Variants in CHSY1 observed in about 807,000 individuals in gnomAD.
CHSY1 encodes N-acetylgalactosaminyl-proteoglycan 3-beta-glucuronosyltransferase 1.
In CHSY1, 13 loss-of-function variants were observed where a neutral mutation model predicts 59.8. The observed-to-expected ratio is 0.22, with a 90% CI of 0.14 to 0.35. CHSY1 has a LOEUF of 0.35. Among genes scored for constraint, CHSY1 ranks in the 10% least tolerant of loss-of-function variants. CHSY1 has a pLI of 1.00. For synonymous variants in CHSY1, 459 were observed against 401.2 expected (o/e 1.14, Z -1.72); for missense variants, 947 against 1,030.6 (o/e 0.92, Z 1.11).
intron 2 of CHSY1, among the ~76,000 whole-genome samples, chr15:101,221,780 C>G (rs2038791209): frequency 6.6e-6 from 1 of 151,752 alleles, no homozygotes; most frequent in Admixed American, 6.6e-5. Context: ...GAAAGAAAAA[C>G]TAGCACCTAT....
In CHSY1 at chr15:101,251,296, G is replaced by T. The variant is rs1019528231; in HGVS notation, c.161C>A (p.Ala54Glu). The part of the protein sequence containing the change: ...SPEGCRSGQA[A>E]ASQAGGARGD... ...GCGCGCCCCGCCGGCCTGGGAAGCC[G>T]CCGCCTGCCCGGACCGGCAGCCCTC... is the stretch of plus-strand genomic sequence containing the variant. Residue 54 changes from alanine (A) to glutamate (E), a missense_variant, in exon 1 of 3, where the codon GCG becomes GAG. Physicochemically the swap from Ala to Glu is moderately radical, Grantham distance 107. Transcript: ENST00000254190. The T allele has an allele frequency of 2.5e-6, 3 of 1,212,902 alleles. No individual in the cohort carries two copies. Among genetic ancestry groups the T allele is most frequent in the Non-Finnish European group, 2.0e-6 (2 of 978,332 alleles). The allele number at this position is 1,212,902 out of a possible 1,614,324, so 75.1% of individuals were successfully genotyped here.
chr15:101,249,368 G>A (rs112110188), intron 1 of CHSY1, among the ~76,000 whole-genome samples: 3 of 141,796 alleles, frequency 2.1e-5, no homozygotes, highest in African/African-American at 5.8e-5. Context: ...TTTCCGATAC[G>A]GCTGTTTCTC....
intron 1 of CHSY1, among the ~76,000 whole-genome samples, chr15:101,236,756 C>T (rs1240205855): frequency 1.3e-5 from 2 of 152,024 alleles, no homozygotes; most frequent in Non-Finnish European, 2.9e-5. Context: ...ACCCGGAAGG[C>T]GAAGCTTGCA....
At chr15:101,242,400 A>C (rs907755176) in intron 1 of CHSY1, 2 of 152,274 alleles carry the variant, frequency 1.3e-5, no homozygotes. Context: ...CGGATGTGCT[A>C]GTGGTGGGCC....
chr15:101,242,761 C>A (rs892580041), intron 1 of CHSY1: 1 of 152,312 alleles, frequency 6.6e-6, no homozygotes, highest in African/African-American at 2.4e-5. Flanking sequence ...TCTCCATCTT[C>A]TGCCTTGGTC....
chr15:101,249,510 A>ATTTT (rs34753057), intron 1 of CHSY1, among the ~76,000 whole-genome samples: 1,463 of 112,990 alleles, frequency 0.013, 77 homozygotes, highest in African/African-American at 0.035. Context: ...GATAGATAGA[A>ATTTT]TTTTTTTTTT....
At chr15:101,232,128 G>GTC (rs1458247406) in intron 2 of CHSY1, among the ~76,000 whole-genome samples, 2 of 152,134 alleles carry the variant, frequency 1.3e-5, no homozygotes, top group East Asian at 3.8e-4. Flanking sequence ...TTACCTAAGT[G>GTC]TCATCCCAAG....
chr15:101,248,566 A>C (rs2039073584), intron 1 of CHSY1, among the ~76,000 whole-genome samples: 1 of 152,224 alleles, frequency 6.6e-6, no homozygotes, highest in South Asian at 2.1e-4. Context: ...GAGGTGTCAA[A>C]AGAAAGGGAG....
At chr15:101,249,330 G>A (rs2039083347) in intron 1 of CHSY1, among the ~76,000 whole-genome samples, 1 of 150,434 alleles carries the variant, frequency 6.6e-6, no homozygotes, top group Non-Finnish European at 1.5e-5. Flanking sequence ...AAACCATGCT[G>A]TAAATAATCT....
At chr15:101,250,897 C>G (rs2141285693) in intron 1 of CHSY1, among the ~76,000 whole-genome samples, 1 of 151,842 alleles carries the variant, frequency 6.6e-6, no homozygotes, top group South Asian at 2.1e-4. Flanking sequence ...GAGAGGTACA[C>G]CCAGCGAGGC....
At chr15:101,232,272 A>T (rs1172170104) in intron 2 of CHSY1, among the ~76,000 whole-genome samples, 1 of 152,222 alleles carries the variant, frequency 6.6e-6, no homozygotes, top group Admixed American at 6.5e-5. Context: ...ATAATTTCCC[A>T]TAATGTGAAC....
chr15:101,181,154 A>G (rs2038273505), intron 2 of CHSY1, among the ~76,000 whole-genome samples: 1 of 152,170 alleles, frequency 6.6e-6, no homozygotes, highest in African/African-American at 2.4e-5. Flanking sequence ...TGACTTAAGT[A>G]ACTGCGCAGG....
chr15:101,181,603 G>A (rs530683076), intron 2 of CHSY1, among the ~76,000 whole-genome samples: 1 of 152,242 alleles, frequency 6.6e-6, no homozygotes, highest in South Asian at 2.1e-4. Flanking sequence ...AGCCCCACTG[G>A]GTCATGCCAC....
rs139900543 is a variant in CHSY1, at chr15:101,201,408, C to T, written c.817-22428G>A. ...AACGTCCTATAGAACAAGGTGGGGA[C>T]GAGTGAGCAGAAGAGAAAGGCTCAC... On this transcript the variant is annotated intron_variant, in intron 2 of 2. Coordinates refer to ENST00000254190, the MANE Select transcript of CHSY1 (RefSeq NM_014918.5). 5.1e-4 allele frequency among the ~76,000 whole-genome samples: 78 copies of T among 152,248 alleles called. 2 individuals are homozygous for T. In the East Asian group the frequency reaches 0.01, roughly 20 times the overall value.
chr15:101,181,330 T>C (rs1229542042), intron 2 of CHSY1, among the ~76,000 whole-genome samples: 1 of 152,254 alleles, frequency 6.6e-6, no homozygotes, highest in East Asian at 1.9e-4. Flanking sequence ...AGATTCTACA[T>C]GTATTTGTTT....
At chr15:101,237,222 T>TGAAAAAAAAAAAA (rs1491396831) in intron 1 of CHSY1, among the ~76,000 whole-genome samples, 2 of 57,358 alleles carry the variant, frequency 3.5e-5, no homozygotes, top group African/African-American at 1.2e-4. Flanking sequence ...AGACTCCATC[T>TGAAAAAAAAAAAA]AAAAAAAAAA....
intron 2 of CHSY1, among the ~76,000 whole-genome samples, chr15:101,231,720 C>G (rs146890302): frequency 6.6e-6 from 1 of 152,178 alleles, no homozygotes; most frequent in African/African-American, 2.4e-5. Context: ...GTACAGTACA[C>G]GTCGAAGCAA....
intron 2 of CHSY1, among the ~76,000 whole-genome samples, chr15:101,212,807 T>C (rs896471331): frequency 2.0e-5 from 3 of 152,140 alleles, no homozygotes; most frequent in African/African-American, 7.2e-5. Flanking sequence ...TAGGTAATAA[T>C]AAACATGTAG....
At chr15:101,184,915 G>A (rs1025748990) in intron 2 of CHSY1, among the ~76,000 whole-genome samples, 1 of 152,188 alleles carries the variant, frequency 6.6e-6, no homozygotes, top group Non-Finnish European at 1.5e-5. Context: ...ACACATACCT[G>A]TAATGATCTT....
Sources: allele counts gnomAD v4.1 joint callset (sites outside exome capture counted in the v4.1 genomes callset), GRCh38; gene constraint gnomAD v4.1.1; transcripts MANE v1.5; gene names NCBI Gene and HGNC (gene_info 2026-07-23, HGNC 2026-07-21).